Variants in SH3PXD2A observed in about 807,000 individuals in gnomAD.
SH3PXD2A encodes SH3 and PX domain-containing protein 2A.
Under a neutral mutation model 115.2 loss-of-function variants are expected in SH3PXD2A, and 32 were observed. The observed-to-expected ratio is 0.28, with a 90% CI of 0.21 to 0.37. The LOEUF (loss-of-function observed/expected upper bound fraction) is 0.37. Among genes scored for constraint, SH3PXD2A ranks in the 10% least tolerant of loss-of-function variants. SH3PXD2A has a pLI of 1.00. For missense variants in SH3PXD2A, 1,328 were observed against 1,498.7 expected (o/e 0.89, Z 1.88); for synonymous variants, 610 against 629.1 (o/e 0.97, Z 0.45).
rs1400345273 is a variant in SH3PXD2A, at chr10:103,600,518, C to T, written c.*1298G>A. The T allele has an allele frequency of 6.6e-6, 1 of 152,238 alleles. No individual in the cohort carries two copies. Among genetic ancestry groups the T allele is most frequent in the African/African-American group, 2.4e-5 (1 of 41,460 alleles). The allele number at this position is 152,238 out of a possible 1,614,324, so 9.4% of individuals were successfully genotyped here. ...CATAGTGGGGACAATGGCTGCTTCT[C>T]CATGCTTCATACGTAAGGCTTCCAG... On this transcript the variant is annotated 3_prime_UTR_variant, in exon 15 of 15. Coordinates refer to ENST00000369774, the MANE Select transcript of SH3PXD2A (RefSeq NM_001394015.1).
chr10:103,848,807 T>A (rs1842870725), intron 1 of SH3PXD2A, among the ~76,000 whole-genome samples: 1 of 152,140 alleles, frequency 6.6e-6, no homozygotes, highest in African/African-American at 2.4e-5. Flanking sequence ...CTGAACAGCT[T>A]CAGGACTTAG....
rs751587411 is a variant in SH3PXD2A, at chr10:103,627,060, C to T, written c.718+29G>A. The T allele has an allele frequency of 3.8e-6, 5 of 1,306,330 alleles. No individual in the cohort carries two copies. The highest frequency in any genetic ancestry group is 2.3e-5 in the East Asian group (1 of 43,444). 80.9% of individuals were successfully genotyped at this position (1,306,330 alleles called of 1,614,324 possible). A position where few individuals can be genotyped will look rare whatever the true frequency, so the allele number is the denominator to read the frequency against. On this transcript the variant is annotated intron_variant, in intron 9 of 14. Transcript: ENST00000369774. This position sits in a 1 kb window ranked among gnomAD's most constrained non-coding sequence, Gnocchi z 4.4. ...AGCTGCCTCCAGAGGCCGCGTTGCT[C>T]CCTGCCCCTTGGACCTGCAAGCCCT...
At chr10:103,843,719 C>G (rs1026788657) in intron 1 of SH3PXD2A, among the ~76,000 whole-genome samples, 16 of 152,098 alleles carry the variant, frequency 1.1e-4, no homozygotes, top group African/African-American at 3.9e-4. Context: ...ACCTATGTGA[C>G]GAGCTCCCTA....
intron 1 of SH3PXD2A, among the ~76,000 whole-genome samples, chr10:103,811,937 T>G (rs2039275037): frequency 6.6e-6 from 1 of 152,198 alleles, no homozygotes; most frequent in Admixed American, 6.5e-5. Flanking sequence ...CCTTGGACAC[T>G]GTAGGCGCTT....
chr10:103,663,752 A>C (rs1274045479), intron 7 of SH3PXD2A, among the ~76,000 whole-genome samples: 1 of 152,240 alleles, frequency 6.6e-6, no homozygotes, highest in East Asian at 1.9e-4. Flanking sequence ...GAACTCTAGG[A>C]AATCCCAAAG....
At chr10:103,759,467 G>A (rs2038676586) in intron 3 of SH3PXD2A, among the ~76,000 whole-genome samples, 1 of 152,192 alleles carries the variant, frequency 6.6e-6, no homozygotes, top group Non-Finnish European at 1.5e-5. Context: ...TTAGGATGAA[G>A]GGCTTTCTGG....
intron 5 of SH3PXD2A, among the ~76,000 whole-genome samples, chr10:103,706,909 T>C (rs1405683104): frequency 6.6e-6 from 1 of 152,222 alleles, no homozygotes; most frequent in East Asian, 1.9e-4. Flanking sequence ...TGCCTATTTA[T>C]GAGGACGGAA....
chr10:103,686,333 T>C (rs1371559980), intron 6 of SH3PXD2A, among the ~76,000 whole-genome samples: 1 of 152,186 alleles, frequency 6.6e-6, no homozygotes, highest in East Asian at 1.9e-4. Flanking sequence ...ATCCCGAGGC[T>C]CCGTGGCCAC....
At chr10:103,619,610 G>A (rs1592266071) in intron 10 of SH3PXD2A, among the ~76,000 whole-genome samples, 1 of 152,114 alleles carries the variant, frequency 6.6e-6, no homozygotes. Context: ...GGCCACTAGG[G>A]CCCAGCCCCA....
chr10:103,640,053 G>A (rs1260288243), intron 8 of SH3PXD2A, among the ~76,000 whole-genome samples: 1 of 152,342 alleles, frequency 6.6e-6, no homozygotes, highest in Non-Finnish European at 1.5e-5. Context: ...AGTGGCTCAC[G>A]CCTGTAATCC....
intron 2 of SH3PXD2A, among the ~76,000 whole-genome samples, chr10:103,772,907 T>C (rs2038842211): frequency 6.6e-6 from 1 of 152,222 alleles, no homozygotes; most frequent in Admixed American, 6.5e-5. Context: ...GTGGCTTTCC[T>C]GACCCAGAAA....
intron 5 of SH3PXD2A, among the ~76,000 whole-genome samples, chr10:103,705,834 T>C (rs953901066): frequency 2.0e-5 from 3 of 151,890 alleles, no homozygotes; most frequent in African/African-American, 7.3e-5. Context: ...CCCTGTCTAC[T>C]AAAAATACAA....
chr10:103,779,937 C>T (rs2038916636), intron 2 of SH3PXD2A, among the ~76,000 whole-genome samples: 1 of 152,156 alleles, frequency 6.6e-6, no homozygotes, highest in Non-Finnish European at 1.5e-5. Flanking sequence ...GGAGGAGGCC[C>T]TGAAGAAGGG....
chr10:103,689,402 C>T (rs780493092), intron 6 of SH3PXD2A, among the ~76,000 whole-genome samples: 1 of 152,124 alleles, frequency 6.6e-6, no homozygotes, highest in East Asian at 1.9e-4. Context: ...CAGTAGCTCA[C>T]GCCTGTCATC....
At chr10:103,825,669 A>G (rs1206520967) in intron 1 of SH3PXD2A, among the ~76,000 whole-genome samples, 1 of 150,420 alleles carries the variant, frequency 6.6e-6, no homozygotes, top group African/African-American at 2.5e-5. Flanking sequence ...GCCCCTAGAG[A>G]CTCTCCTTCC....
rs572250307 is a variant in SH3PXD2A at position 103,656,286 on chromosome 10, T to C, written c.604+4697A>G. On this transcript the variant is annotated intron_variant, in intron 8 of 14. Transcript: ENST00000369774. Reference sequence around the variant, plus strand: ...TGATGGTTCTCCAGGACACAGCTTATTGGACCAGGGCTGGACACCCGATCT... The same window carrying C: ...TGATGGTTCTCCAGGACACAGCTTACTGGACCAGGGCTGGACACCCGATCT... 8.5e-5 allele frequency among the ~76,000 whole-genome samples: 13 copies of C among 152,340 alleles called. No individual in the cohort carries two copies. In the South Asian group the frequency reaches 2.7e-3, roughly 32 times the overall value.
intron 2 of SH3PXD2A, among the ~76,000 whole-genome samples, chr10:103,775,574 C>T (rs184948944): frequency 3.3e-4 from 50 of 152,224 alleles, no homozygotes; most frequent in African/African-American, 1.2e-3. Flanking sequence ...GACTTATGCT[C>T]GGCAGTGGGC....
intron 5 of SH3PXD2A, among the ~76,000 whole-genome samples, chr10:103,720,552 C>T (rs1589428554): frequency 6.6e-6 from 1 of 152,304 alleles, no homozygotes; most frequent in African/African-American, 2.4e-5. Context: ...CTCAATGGAC[C>T]CTGCAGCAGC....
chr10:103,726,939 C>T (rs7073079), intron 4 of SH3PXD2A, among the ~76,000 whole-genome samples: 23,094 of 152,110 alleles, frequency 0.15, 2,002 homozygotes, highest in East Asian at 0.3. Context: ...TGAAATAACA[C>T]ATCTCCATCA....
Sources: gnomAD v4.1 joint callset for allele counts (sites outside exome capture counted in the v4.1 genomes callset) on GRCh38, gnomAD v4.1.1 for gene constraint, Gnocchi (gnomAD v3.1) non-coding constraint, MANE v1.5 for transcripts, NCBI Gene and HGNC (gene_info 2026-07-23, HGNC 2026-07-21) for gene names.